PPP1R1C: variants seen among roughly 807,000 people sequenced by gnomAD.
PPP1R1C encodes protein phosphatase 1 regulatory subunit 1C.
A neutral mutation model predicts 17.4 loss-of-function variants in PPP1R1C; 15 were observed. That is an observed-to-expected ratio of 0.86 (90% CI 0.58 to 1.33). PPP1R1C has a LOEUF of 1.33. PPP1R1C is among the 40% of genes most tolerant of loss of function. PPP1R1C has a pLI of 0.00. For synonymous variants in PPP1R1C, 35 were observed against 43.1 expected (o/e 0.81, Z 0.73); for missense variants, 143 against 130.0 (o/e 1.10, Z -0.48).
intron 2 of PPP1R1C, among the ~76,000 whole-genome samples, chr2:181,999,404 G>A (rs1405878239): frequency 6.6e-6 from 1 of 152,136 alleles, no homozygotes; most frequent in Non-Finnish European, 1.5e-5. Context: ...AGGGTGATGG[G>A]TGAGCTGTTC....
chr2:181,980,968 GC>G (rs1685183083), upstream of PPP1R1C, among the ~76,000 whole-genome samples: 1 of 142,768 alleles, frequency 7.0e-6, no homozygotes, highest in South Asian at 2.3e-4. Flanking sequence ...TCGCTCTGTC[GC>G]CCAGGCTGGA....
At chr2:182,054,421 A>G (rs1216070215) in intron 2 of PPP1R1C, among the ~76,000 whole-genome samples, 1 of 152,122 alleles carries the variant, frequency 6.6e-6, no homozygotes, top group African/African-American at 2.4e-5. Context: ...CCCTCTTGCT[A>G]CTACTTTATA....
intron 1 of PPP1R1C, among the ~76,000 whole-genome samples, chr2:181,963,136 T>A (rs1293239381): frequency 1.3e-5 from 2 of 152,154 alleles, no homozygotes; most frequent in Admixed American, 6.5e-5. Context: ...TGAAATACAA[T>A]ACAAACATTA....
intron 2 of PPP1R1C, among the ~76,000 whole-genome samples, chr2:181,999,646 C>A (rs1374914859): frequency 6.6e-6 from 1 of 151,892 alleles, no homozygotes; most frequent in African/African-American, 2.4e-5. Flanking sequence ...ATATGTATTT[C>A]ATCTTTATTC....
At chr2:182,121,037 C>A (rs1689721033), downstream of PPP1R1C, among the ~76,000 whole-genome samples, 1 of 152,164 alleles carries the variant, frequency 6.6e-6, no homozygotes, top group Non-Finnish European at 1.5e-5. Flanking sequence ...TTTCACTTTA[C>A]TTTTCACACA....
In PPP1R1C at chr2:182,117,490, T is replaced by C; in HGVS notation, c.*195T>C. 1 of 470,618 alleles carries C rather than the reference T, an allele frequency of 2.1e-6. No homozygotes were observed. The highest frequency in any genetic ancestry group is 3.8e-6 in the Non-Finnish European group (1 of 261,654). 29.2% of individuals were successfully genotyped at this position (470,618 alleles called of 1,614,324 possible). A position where few individuals can be genotyped will look rare whatever the true frequency, so the allele number is the denominator to read the frequency against. On this transcript the variant is annotated 3_prime_UTR_variant, in exon 5 of 5. Transcript: ENST00000682840. ...CTAAGTACACATTGTTCCACATCAC[T>C]TATAATTAAAGAATAAGCATTTATT...
intron 2 of PPP1R1C, among the ~76,000 whole-genome samples, chr2:182,001,938 T>A (rs1307802476): frequency 6.6e-6 from 1 of 152,178 alleles, no homozygotes; most frequent in South Asian, 2.1e-4. Flanking sequence ...TTTGCAGTCA[T>A]ATACGTATAG....
intron 2 of PPP1R1C, among the ~76,000 whole-genome samples, chr2:182,012,768 T>C (rs570074460): frequency 2.0e-5 from 3 of 152,170 alleles, no homozygotes; most frequent in Middle Eastern, 6.8e-3. Flanking sequence ...GTGTCTTCTG[T>C]ATGTTTTGTG....
chr2:182,126,016 T>G (rs185329687), intron 5 of PPP1R1C, among the ~76,000 whole-genome samples: 33 of 152,256 alleles, frequency 2.2e-4, no homozygotes, highest in African/African-American at 7.7e-4. Flanking sequence ...GGTGTCAATT[T>G]TAGATCTTTC....
At chr2:182,070,643 G>T (rs1177299450) in intron 4 of PPP1R1C, among the ~76,000 whole-genome samples, 1 of 152,126 alleles carries the variant, frequency 6.6e-6, no homozygotes, top group African/African-American at 2.4e-5. Context: ...TCTCATGTTA[G>T]TATGGCACAG....
In PPP1R1C at chr2:181,986,045, C is replaced by A; in HGVS notation, c.-66C>A. ...GTGGAGTGTGTCTGAGGAAACACAT[C>A]CCGGACACCACTTAGGGTTAGTCTT... On this transcript the variant is annotated 5_prime_UTR_variant, in exon 1 of 5. Coordinates refer to ENST00000682840, the MANE Select transcript of PPP1R1C (RefSeq NM_001080545.3). 2 of 1,260,008 alleles carry A rather than the reference C, an allele frequency of 1.6e-6. No individual in the cohort carries two copies. The highest frequency in any genetic ancestry group is 2.3e-6 in the Non-Finnish European group (2 of 858,170). 78.1% of individuals were successfully genotyped at this position (1,260,008 alleles called of 1,614,324 possible).
intron 2 of PPP1R1C, among the ~76,000 whole-genome samples, chr2:181,996,774 A>C (rs1325600839): frequency 6.6e-6 from 1 of 152,222 alleles, no homozygotes; most frequent in Non-Finnish European, 1.5e-5. Flanking sequence ...CACTCTTTAC[A>C]TATAAATACA....
chr2:182,127,053 A>C (rs1406937864), intron 5 of PPP1R1C, among the ~76,000 whole-genome samples: 1 of 152,116 alleles, frequency 6.6e-6, no homozygotes, highest in Non-Finnish European at 1.5e-5. Context: ...CCAGCAGTAT[A>C]TAAAATTACC....
At chr2:181,991,114 C>CT (rs34332425) in intron 2 of PPP1R1C, among the ~76,000 whole-genome samples, 85,134 of 150,046 alleles carry the variant, frequency 0.57, 24,354 homozygotes, top group South Asian at 0.65. Flanking sequence ...ACATAGCTTG[C>CT]TTTTTTTTTT....
At chr2:182,034,349 C>T (rs1485946287) in intron 2 of PPP1R1C, among the ~76,000 whole-genome samples, 1 of 151,474 alleles carries the variant, frequency 6.6e-6, no homozygotes, top group African/African-American at 2.4e-5. Context: ...TCCAAGAGGG[C>T]TCAGTCATGG....
intron 2 of PPP1R1C, among the ~76,000 whole-genome samples, chr2:182,059,430 G>T (rs1484414442): frequency 1.3e-5 from 2 of 151,848 alleles, no homozygotes; most frequent in East Asian, 3.9e-4. Flanking sequence ...TATGCTTCAT[G>T]TGGGATCCAG....
At chr2:181,982,086 A>T (rs1685203674), upstream of PPP1R1C, among the ~76,000 whole-genome samples, 1 of 152,242 alleles carries the variant, frequency 6.6e-6, no homozygotes, top group Admixed American at 6.5e-5. Flanking sequence ...CCTGGAATAG[A>T]AAATACATTA....
chr2:182,081,546 T>A (rs926040428), intron 4 of PPP1R1C, among the ~76,000 whole-genome samples: 1 of 152,172 alleles, frequency 6.6e-6, no homozygotes, highest in Non-Finnish European at 1.5e-5. Context: ...GTGTTGATTC[T>A]GAAAAGCATT....
intron 1 of PPP1R1C, among the ~76,000 whole-genome samples, chr2:181,971,042 A>G (rs1462404369): frequency 2.0e-5 from 3 of 151,998 alleles, no homozygotes; most frequent in African/African-American, 7.2e-5. Flanking sequence ...AGGAGCCCAA[A>G]GAGCCCACCT....
Sources: gnomAD v4.1 joint callset for allele counts (sites outside exome capture counted in the v4.1 genomes callset) on GRCh38, gnomAD v4.1.1 for gene constraint, MANE v1.5 for transcripts, NCBI Gene and HGNC (gene_info 2026-07-23, HGNC 2026-07-21) for gene names.